The following FGD6 variants were observed in gnomAD, a reference collection of about 807,000 sequenced individuals.
FGD6 encodes the protein FYVE, RhoGEF and PH domain-containing protein 6.
A neutral mutation model predicts 149.4 loss-of-function variants in FGD6; 90 were observed. That is an observed-to-expected ratio of 0.60 (90% confidence interval 0.51 to 0.72). The LOEUF is 0.72. Ranked by LOEUF, FGD6 falls within the 30% of genes least tolerant of loss-of-function variation. The pLI is 0.00. For synonymous variants in FGD6, 527 were observed against 584.0 expected (o/e 0.90, Z 1.41); for missense variants, 1,437 against 1,684.8 (o/e 0.85, Z 2.57).
In FGD6 at chr12:95,210,670, C is replaced by T. The variant is rs146520684; in HGVS notation, c.614G>A (p.Ser205Asn). Residue 205 changes from serine (S) to asparagine (N), a missense_variant, in exon 2 of 21, where the codon AGC (serine) becomes AAC (asparagine). By Grantham distance (46) the Ser-to-Asn change is conservative (BLOSUM62 1). This residue lies in a region of FGD6 where 1,055 missense variants were observed against 1,146.0 expected (regional missense o/e 0.92). Transcript: ENST00000343958. ...ATTACAGCCACCATTCATTTCTGGGCTGTCTGTGGGCCTGTGCTTCTGTGC... is the reference window on the plus strand; with the variant it reads ...ATTACAGCCACCATTCATTTCTGGGTTGTCTGTGGGCCTGTGCTTCTGTGC... ...ISAQKHRPTD[S>N]PEMNGGCNSN... 1.4e-5 allele frequency: 22 copies of T among 1,614,136 alleles called. No individual in the cohort carries two copies. The African/African-American group carries it at 2.7e-4, about 20-fold the overall frequency.
At chr12:95,137,899 T>C (rs1200330002) in intron 6 of FGD6, among the ~76,000 whole-genome samples, 1 of 152,078 alleles carries the variant, frequency 6.6e-6, no homozygotes, top group Non-Finnish European at 1.5e-5. Context: ...CTCCAAACCA[T>C]TCTTCAACAC....
chr12:95,155,325 G>A (rs1375464392), intron 3 of FGD6, among the ~76,000 whole-genome samples: 3 of 152,100 alleles, frequency 2.0e-5, no homozygotes, highest in South Asian at 4.1e-4. Context: ...TCAGGAGTTC[G>A]AGACCAGCCT....
chr12:95,128,010 A>AGC (rs1432987620), intron 8 of FGD6, among the ~76,000 whole-genome samples: 2 of 152,230 alleles, frequency 1.3e-5, no homozygotes, highest in African/African-American at 4.8e-5. Flanking sequence ...TACAACATAT[A>AGC]GCACAGGTAG....
intron 8 of FGD6, among the ~76,000 whole-genome samples, chr12:95,129,038 G>A (rs1046710375): frequency 6.6e-6 from 1 of 152,190 alleles, no homozygotes; most frequent in African/African-American, 2.4e-5. Context: ...ATGGAGGGGT[G>A]ATAAGAGGTA....
In FGD6 at chr12:95,083,650, G is replaced by A. The variant is rs530315121; in HGVS notation, c.4256+848C>T. Among the ~76,000 whole-genome samples the A allele has an allele frequency of 6.6e-5, 10 of 152,308 alleles. No individual in the cohort carries two copies. In the East Asian group the frequency reaches 1.9e-3, roughly 29 times the overall value. On this transcript the variant is annotated intron_variant, in intron 20 of 20. Transcript: ENST00000343958. ...GAAAAAAGAGTCTTACAGAGTGTGT[G>A]TAACATTGTGCCTGGCTGGTATTCA... is the stretch of plus-strand genomic sequence containing the variant.
Position 95,077,839 on chromosome 12 carries a change from A to C in FGD6, c.*3681T>G, listed in dbSNP as rs1877545546. On this transcript the variant is annotated 3_prime_UTR_variant, in exon 21 of 21. Transcript: ENST00000343958. ...AGAAAATAAACAGATTTGAATGGGAAGGAAGTTGAGTTTTATTCATGTAAA... is the reference window on the plus strand; with the variant it reads ...AGAAAATAAACAGATTTGAATGGGACGGAAGTTGAGTTTTATTCATGTAAA... 1 of 152,208 alleles carries C rather than the reference A, an allele frequency of 6.6e-6. No individual in the cohort carries two copies. Among genetic ancestry groups the C allele is most frequent in the Non-Finnish European group, 1.5e-5 (1 of 68,042 alleles). 9.4% of individuals were successfully genotyped at this position (152,208 alleles called of 1,614,324 possible). A position where few individuals can be genotyped will look rare whatever the true frequency, so the allele number is the denominator to read the frequency against.
intron 14 of FGD6, among the ~76,000 whole-genome samples, chr12:95,098,508 T>G (rs1030633043): frequency 3.3e-5 from 5 of 152,128 alleles, no homozygotes; most frequent in South Asian, 2.1e-4. Flanking sequence ...GTCATTCTCT[T>G]CCTCATTCTT....
chr12:95,153,141 T>A, intron 3 of FGD6, 148 bp from the exon 4 acceptor site: 1 of 659,572 alleles, frequency 1.5e-6, no homozygotes, highest in Non-Finnish European at 2.6e-6. Flanking sequence ...ATGGCAAACG[T>A]GGAGAATTGG....
At chr12:95,126,468 C>A in intron 8 of FGD6, 2 of 759,894 alleles carry the variant, frequency 2.6e-6, no homozygotes, top group East Asian at 3.0e-5. Flanking sequence ...GTGGCTCACG[C>A]CTGTAATCCC....
intron 3 of FGD6, among the ~76,000 whole-genome samples, chr12:95,160,721 T>C (rs553872077): frequency 3.3e-4 from 50 of 152,236 alleles, no homozygotes; most frequent in African/African-American, 1.1e-3. Context: ...AACTTAGGAA[T>C]TGCCTCTTCT....
At chr12:95,206,380 C>T (rs919295624) in intron 2 of FGD6, among the ~76,000 whole-genome samples, 2 of 151,800 alleles carry the variant, frequency 1.3e-5, no homozygotes, top group Admixed American at 1.3e-4. Context: ...TGAAAACAGA[C>T]AATTTGAAAT....
At chr12:95,183,398 G>A (rs952048599) in intron 2 of FGD6, among the ~76,000 whole-genome samples, 6 of 152,212 alleles carry the variant, frequency 3.9e-5, no homozygotes, top group African/African-American at 1.4e-4. Flanking sequence ...TGGGTGGCCA[G>A]GTGTGGCATG....
In FGD6 at chr12:95,211,165, C is replaced by G. The variant is rs1288277990; in HGVS notation, c.119G>C (p.Ser40Thr). The change falls in exon 2 of 21, where the codon AGT becomes ACT. Residue 40 changes from serine to threonine, a missense_variant. Physicochemically the swap from Ser to Thr is moderately conservative, Grantham distance 58. Transcript: ENST00000343958. ...IAPKPDIVIS[S>T]VPQSTKKMKP... The stretch of plus-strand genomic sequence containing the variant: ...CATTTTCTTTGTCGACTGTGGAACA[C>G]TAGAAATCACAATGTCGGGTTTAGG... 6.2e-7 allele frequency: 1 copy of G among 1,614,152 alleles called. No homozygotes were observed.
intron 20 of FGD6, among the ~76,000 whole-genome samples, chr12:95,084,278 T>C (rs1877788085): frequency 6.6e-6 from 1 of 152,172 alleles, no homozygotes; most frequent in Non-Finnish European, 1.5e-5. Context: ...TAGGACTACC[T>C]ATTTTCTTTT....
At chr12:95,114,981 C>T (rs369004231) in intron 8 of FGD6, among the ~76,000 whole-genome samples, 50 of 152,298 alleles carry the variant, frequency 3.3e-4, no homozygotes, top group African/African-American at 1.2e-3. Flanking sequence ...TCCTCTGTCT[C>T]GCTTATACAA....
At chr12:95,109,947 A>G (rs1457771324) in intron 9 of FGD6, among the ~76,000 whole-genome samples, 2 of 151,994 alleles carry the variant, frequency 1.3e-5, no homozygotes, top group Non-Finnish European at 2.9e-5. Flanking sequence ...ATTGTAATCT[A>G]TCAAAGGACT....
chr12:95,124,061 G>A (rs1198758882), intron 8 of FGD6, among the ~76,000 whole-genome samples: 8 of 151,580 alleles, frequency 5.3e-5, no homozygotes, highest in Non-Finnish European at 1.2e-4. Context: ...CTACAGGTGT[G>A]TGCCACCATG....
At chr12:95,149,272 A>ATATATATTATAG (rs1565908976) in intron 5 of FGD6, among the ~76,000 whole-genome samples, 1 of 8,800 alleles carries the variant, frequency 1.1e-4, no homozygotes, top group Non-Finnish European at 1.4e-4. Flanking sequence ...ATATTATATT[A>ATATATATTATAG]CATATAGCAT....
At chr12:95,099,230 C>A (rs1244979096) in intron 14 of FGD6, among the ~76,000 whole-genome samples, 1 of 152,072 alleles carries the variant, frequency 6.6e-6, no homozygotes, top group Non-Finnish European at 1.5e-5. Flanking sequence ...CAATGCCTGG[C>A]CCAAGGTAGA....
Sources: allele counts gnomAD v4.1 joint callset (sites outside exome capture counted in the v4.1 genomes callset), GRCh38; gene constraint gnomAD v4.1.1; regional missense constraint gnomAD v4.1.1; transcripts MANE v1.5; gene names NCBI Gene and HGNC (gene_info 2026-07-23, HGNC 2026-07-21).